IRAK2: variants seen among roughly 807,000 people sequenced by gnomAD.
The protein encoded by IRAK2 is interleukin 1 receptor associated kinase 2.
IRAK2 carries 57 observed loss-of-function variants against 72.0 expected under a neutral mutation model. The observed-to-expected ratio is 0.79, with a 90% CI of 0.64 to 0.99. The LOEUF (loss-of-function observed/expected upper bound fraction) is 0.99. IRAK2 is among the 50% of genes least tolerant of loss of function. IRAK2 has a pLI of 0.00. For missense variants in IRAK2, 790 were observed against 794.4 expected, an observed-to-expected ratio of 0.99 and a Z score of 0.07; for synonymous variants, 293 against 312.7, an observed-to-expected ratio of 0.94 and a Z score of 0.67.
At chr3:10,224,538 A>G (rs2629459) in intron 9 of IRAK2, among the ~76,000 whole-genome samples, 19,830 of 150,234 alleles carry the variant, frequency 0.13, 1,626 homozygotes, top group African/African-American at 0.22. Context: ...TGCACCCTGC[A>G]CCTACCAAGA....
At chr3:10,236,348 T>TTG (rs1391126065) in intron 11 of IRAK2, among the ~76,000 whole-genome samples, 3 of 143,334 alleles carry the variant, frequency 2.1e-5, no homozygotes, top group African/African-American at 8.4e-5. Flanking sequence ...TAAGGTTTTT[T>TTG]TTTTTTTTTT....
At chr3:10,195,540 C>T (rs1439463009) in intron 2 of IRAK2, among the ~76,000 whole-genome samples, 1 of 150,670 alleles carries the variant, frequency 6.6e-6, no homozygotes, top group Non-Finnish European at 1.5e-5. Flanking sequence ...CAGAGCAACA[C>T]CCTGTCTCAA....
chr3:10,213,356 A>C lies in IRAK2; in HGVS notation c.678A>C (p.Arg226Ser). The change falls in exon 5 of 13, where the codon AGA becomes AGC. Residue 226 changes from arginine (R) to serine (S), a missense_variant. Physicochemically the swap from Arg to Ser is moderately radical, Grantham distance 110 (BLOSUM62 -1). Transcript: ENST00000256458. Reference protein sequence around the residue: ...ISQGTFADVYRGHRHGKPFVF... With the variant: ...ISQGTFADVYSGHRHGKPFVF... ...AGGGGACCTTTGCTGACGTCTACAG[A>C]GGGCACAGGCACGGGAAGCCATTCG... is the stretch of plus-strand genomic sequence containing the variant. 1 of 1,614,094 alleles carries C rather than the reference A, an allele frequency of 6.2e-7. No homozygotes were observed. Among genetic ancestry groups the C allele is most frequent in the East Asian group, 2.2e-5 (1 of 44,874 alleles).
intron 12 of IRAK2, among the ~76,000 whole-genome samples, chr3:10,240,558 C>CCCCCCTT (rs1274154130): frequency 7.2e-4 from 13 of 18,064 alleles, no homozygotes; most frequent in African/African-American, 1.4e-3. Context: ...CCCCCCCCGC[C>CCCCCCTT]TTTTTTTTTT....
At chr3:10,200,962 A>G (rs1296587376) in intron 3 of IRAK2, among the ~76,000 whole-genome samples, 2 of 152,246 alleles carry the variant, frequency 1.3e-5, no homozygotes, top group African/African-American at 4.8e-5. Context: ...AGACAGTCAC[A>G]ACAAAGTACT....
chr3:10,197,617 C>G (rs1040214101), intron 2 of IRAK2, among the ~76,000 whole-genome samples: 1 of 152,176 alleles, frequency 6.6e-6, no homozygotes. Flanking sequence ...CTTTGGGAGG[C>G]TGAAGAGGGC....
intron 11 of IRAK2, 116 bp from the exon 12 acceptor site, chr3:10,238,632 C>A: frequency 2.0e-6 from 2 of 991,046 alleles, no homozygotes; most frequent in Non-Finnish European, 3.0e-6. Context: ...GACAAAACAA[C>A]CAGCATTAGG....
intron 1 of IRAK2, among the ~76,000 whole-genome samples, chr3:10,176,281 G>A (rs1619378): frequency 0.7 from 106,204 of 151,806 alleles, 38,201 homozygotes; most frequent in Non-Finnish European, 0.77. Context: ...TTTTCATTCA[G>A]TCATTCACTT....
At chr3:10,193,849 C>A (rs1054365262) in intron 2 of IRAK2, among the ~76,000 whole-genome samples, 3 of 152,254 alleles carry the variant, frequency 2.0e-5, no homozygotes, top group African/African-American at 7.2e-5. Context: ...TGCTGCTGGG[C>A]TCCTATGTTA....
chr3:10,207,920 A>AG (rs1342319943), intron 3 of IRAK2, among the ~76,000 whole-genome samples: 3 of 135,446 alleles, frequency 2.2e-5, no homozygotes, highest in Non-Finnish European at 4.6e-5. Context: ...TGAACCTGGG[A>AG]GGGGGAGTTT....
intron 1 of IRAK2, among the ~76,000 whole-genome samples, chr3:10,168,377 A>G (rs1288219373): frequency 6.6e-6 from 1 of 151,730 alleles, no homozygotes; most frequent in African/African-American, 2.4e-5. Context: ...TGCCTGACTA[A>G]TTTTTGTATC....
At chr3:10,179,332 C>T (rs1259863068) in intron 2 of IRAK2, among the ~76,000 whole-genome samples, 1 of 147,956 alleles carries the variant, frequency 6.8e-6, no homozygotes, top group African/African-American at 2.5e-5. Context: ...AGAGCAGTGG[C>T]ACGATCTTGG....
Position 10,242,302 on chromosome 3 carries a change from C to T in IRAK2, c.*74C>T, listed in dbSNP as rs1286144287. On this transcript the variant is annotated 3_prime_UTR_variant, in exon 13 of 13. Transcript: ENST00000256458. ...ATCAGATCAAGAAAAAGGTCTGAGG[C>T]AGAATCCAAGATCTGCCAGGAAACA... The T allele has an allele frequency of 4.8e-6, 4 of 836,224 alleles. No individual in the cohort carries two copies. Among genetic ancestry groups the T allele is most frequent in the African/African-American group, 3.5e-5 (2 of 57,466 alleles). 51.8% of individuals were successfully genotyped at this position (836,224 alleles called of 1,614,324 possible).
chr3:10,227,805 A>AGCAG (rs1697803582), intron 10 of IRAK2, among the ~76,000 whole-genome samples: 1 of 151,724 alleles, frequency 6.6e-6, no homozygotes, highest in African/African-American at 2.4e-5. Context: ...AGCAGCTGGG[A>AGCAG]CTACAGGCGC....
chr3:10,187,346 AC>A (rs1286979750), intron 2 of IRAK2, among the ~76,000 whole-genome samples: 1 of 152,112 alleles, frequency 6.6e-6, no homozygotes, highest in Non-Finnish European at 1.5e-5. Context: ...GAATGTTGTG[AC>A]CTCTGAGCCT....
Position 10,234,659 on chromosome 3 carries a change from G to C in IRAK2, c.1473G>C (p.Glu491Asp), listed in dbSNP as rs775773708. 8 of 1,611,252 alleles carry C rather than the reference G, an allele frequency of 5.0e-6. No individual in the cohort carries two copies. Among genetic ancestry groups the C allele is most frequent in the Non-Finnish European group, 6.8e-6 (8 of 1,178,836 alleles). Reference protein sequence around the residue: ...CLRRRNTSLQEVCGSVAAVEE... With the variant: ...CLRRRNTSLQDVCGSVAAVEE... Reference sequence around the variant, plus strand: ...GGAGGCGTAACACCAGCCTGCAGGAGGTGAGCCTCGCCCGCAGCGGCCTCG... The same window carrying C: ...GGAGGCGTAACACCAGCCTGCAGGACGTGAGCCTCGCCCGCAGCGGCCTCG... The change falls in exon 11 of 13, where the codon GAG becomes GAC. Residue 491 changes from glutamate to aspartate, a missense_variant and splice_region_variant. By Grantham distance (45) the Glu-to-Asp change is conservative. Transcript: ENST00000256458.
chr3:10,192,746 C>T (rs1167109832), intron 2 of IRAK2, among the ~76,000 whole-genome samples: 1 of 152,108 alleles, frequency 6.6e-6, no homozygotes, highest in African/African-American at 2.4e-5. Context: ...TGGCAAAACC[C>T]CGTCTCTACT....
intron 6 of IRAK2, among the ~76,000 whole-genome samples, chr3:10,214,218 C>G (rs11465899): frequency 1.3e-5 from 2 of 151,606 alleles, no homozygotes; most frequent in South Asian, 2.1e-4. Context: ...CGTGAGCCAC[C>G]GTGCCTGACT....
At chr3:10,167,569 C>T (rs955038427) in intron 1 of IRAK2, among the ~76,000 whole-genome samples, 1 of 152,092 alleles carries the variant, frequency 6.6e-6, no homozygotes, top group Non-Finnish European at 1.5e-5. Flanking sequence ...TGCCTGCCAC[C>T]ATGCCCGGCT....
Sources: gnomAD v4.1 joint callset for allele counts (sites outside exome capture counted in the v4.1 genomes callset) on GRCh38, gnomAD v4.1.1 for gene constraint, MANE v1.5 for transcripts, NCBI Gene and HGNC (gene_info 2026-07-23, HGNC 2026-07-21) for gene names.